Variants in SPAG9 observed in about 807,000 individuals in gnomAD.
SPAG9 encodes C-Jun-amino-terminal kinase-interacting protein 4.
In SPAG9, 35 loss-of-function variants were observed where a neutral mutation model predicts 166.5. The observed-to-expected ratio is 0.21, with a 90% CI of 0.16 to 0.28. The LOEUF (loss-of-function observed/expected upper bound fraction) is 0.28. Ranked by LOEUF, SPAG9 falls within the 10% of genes least tolerant of loss-of-function variation. SPAG9 has a pLI of 1.00. For missense variants in SPAG9, 1,235 were observed against 1,603.3 expected (o/e 0.77, Z 3.92); for synonymous variants, 534 against 565.5 (o/e 0.94, Z 0.79).
intron 22 of SPAG9, among the ~76,000 whole-genome samples, chr17:50,986,612 T>C (rs1379672323): frequency 2.0e-5 from 3 of 152,210 alleles, no homozygotes; most frequent in Non-Finnish European, 4.4e-5. Context: ...TGTAAAACTC[T>C]CCACACAACC....
At chr17:51,037,685 A>ATATATAGTGTGTGT in intron 5 of SPAG9, among the ~76,000 whole-genome samples, 10 of 83,492 alleles carry the variant, frequency 1.2e-4, no homozygotes, top group African/African-American at 3.5e-4. Context: ...ATATATATAT[A>ATATATAGTGTGTGT]GTGTGTGTGT....
chr17:51,089,258 T>C (rs892575984), intron 1 of SPAG9, among the ~76,000 whole-genome samples: 2 of 151,444 alleles, frequency 1.3e-5, no homozygotes, highest in African/African-American at 4.9e-5. Context: ...GCCCTGTCTC[T>C]ACTAAAAATA....
intron 8 of SPAG9, 31 bp downstream of exon 8, chr17:51,020,128 A>G (rs367885022): frequency 5.1e-6 from 7 of 1,380,958 alleles, no homozygotes; most frequent in Non-Finnish European, 5.2e-6. Context: ...TGGGGGGCGC[A>G]GAATATGTCT....
chr17:51,023,368 A>T, intron 6 of SPAG9: 1 of 242,506 alleles, frequency 4.1e-6, no homozygotes. Context: ...GAGTATCAGC[A>T]GGAATTATTG....
chr17:51,004,368 G>C (rs1258733037), intron 12 of SPAG9, among the ~76,000 whole-genome samples: 1 of 152,088 alleles, frequency 6.6e-6, no homozygotes, highest in Non-Finnish European at 1.5e-5. Context: ...AGACTGAAGG[G>C]GCACCAAGTG....
intron 20 of SPAG9, 127 bp downstream of exon 20, chr17:50,990,323 C>T (rs1463636420): frequency 2.7e-5 from 21 of 776,862 alleles, no homozygotes; most frequent in South Asian, 1.0e-4. Flanking sequence ...CCACCACGCC[C>T]GGCCTACAGT....
At chr17:51,053,154 CGTTG>C (rs1232141856) in intron 3 of SPAG9, among the ~76,000 whole-genome samples, 23 of 151,262 alleles carry the variant, frequency 1.5e-4, no homozygotes, top group Admixed American at 1.2e-3. Flanking sequence ...AAAACAAAAA[CGTTG>C]TTTATTATTT....
chr17:51,091,507 G>T (rs571141599), intron 1 of SPAG9, among the ~76,000 whole-genome samples: 2 of 151,732 alleles, frequency 1.3e-5, no homozygotes, highest in Admixed American at 1.3e-4. Flanking sequence ...TGTTGTTGTT[G>T]TTGTTTGCAT....
At chr17:51,062,038 T>C (rs888216595) in intron 2 of SPAG9, among the ~76,000 whole-genome samples, 1 of 152,196 alleles carries the variant, frequency 6.6e-6, no homozygotes, top group Admixed American at 6.5e-5. Context: ...ATAGCAACCA[T>C]TTATCACAGA....
At chr17:50,971,860 G>A (rs1435263191) in intron 28 of SPAG9, among the ~76,000 whole-genome samples, 2 of 151,994 alleles carry the variant, frequency 1.3e-5, no homozygotes, top group Non-Finnish European at 2.9e-5. Context: ...CTTCGCCTCT[G>A]GGGTTCAAAC....
At chr17:50,976,614 G>A (rs372756504) in intron 27 of SPAG9, 2 of 153,094 alleles carry the variant, frequency 1.3e-5, no homozygotes, top group African/African-American at 4.8e-5. Flanking sequence ...AGAAACACAC[G>A]AGGTATATTT....
intron 8 of SPAG9, among the ~76,000 whole-genome samples, chr17:51,017,866 T>G (rs2045768889): frequency 1.3e-5 from 2 of 152,136 alleles, no homozygotes; most frequent in Non-Finnish European, 2.9e-5. Context: ...AAGACAGGAT[T>G]TGAACCCATG....
Position 51,028,567 on chromosome 17 carries a change from G to A in SPAG9, c.783+3114C>T, listed in dbSNP as rs529095325. ...ACAGGTTGCAGCCTAAGAGCAACAG[G>A]CCATACCATATAGTTCAGGTGTGTA... is the stretch of plus-strand genomic sequence containing the variant. On this transcript the variant is annotated intron_variant, in intron 6 of 29. Coordinates refer to ENST00000262013, the MANE Select transcript of SPAG9 (RefSeq NM_001130528.3). Among the ~76,000 whole-genome samples, 8 of 152,292 alleles carry A rather than the reference G, an allele frequency of 5.3e-5. No homozygotes were observed. In the South Asian group the frequency reaches 1.4e-3, roughly 28 times the overall value.
chr17:51,019,578 C>A lies in SPAG9; in HGVS notation c.1091+581G>T, dbSNP rs181677790. On this transcript the variant is annotated intron_variant, in intron 8 of 29. Coordinates refer to ENST00000262013, the MANE Select transcript of SPAG9 (RefSeq NM_001130528.3). ...TCTCAAAAAAATAAACAAGGCTGGG[C>A]GCAGTGGCTCACGACTGTAATCCCA... Among the ~76,000 whole-genome samples the A allele has an allele frequency of 6.8e-5, 10 of 147,094 alleles. No homozygotes were observed. The East Asian group carries it at 1.7e-3, about 25-fold the overall frequency.
chr17:51,033,574 G>A (rs750816468), intron 5 of SPAG9, among the ~76,000 whole-genome samples: 19 of 152,146 alleles, frequency 1.2e-4, no homozygotes, highest in Non-Finnish European at 2.2e-4. Context: ...CTGAAGTGCC[G>A]TGGCTATTCA....
In SPAG9 at chr17:51,021,099, C is replaced by A. The variant is rs570912196; in HGVS notation, c.991+59G>T. 154 of 1,408,608 alleles carry A rather than the reference C, an allele frequency of 1.1e-4. 1 individual carries two copies. The East Asian group carries it at 3.3e-3, about 30-fold the overall frequency. The allele number at this position is 1,408,608 out of a possible 1,614,324, so 87.3% of individuals were successfully genotyped here. On this transcript the variant is annotated intron_variant, in intron 7 of 29. Transcript: ENST00000262013. ...CCCACAAAGACATATTTTCTCATAC[C>A]CACATTATCCAGGTTTACTGAATAC...
intron 5 of SPAG9, among the ~76,000 whole-genome samples, chr17:51,032,883 G>A (rs138434148): frequency 0.017 from 2,627 of 152,030 alleles, 73 homozygotes; most frequent in Admixed American, 0.066. Flanking sequence ...GCAGTGAGCC[G>A]AGATCACGCC....
intron 3 of SPAG9, 46 bp from the exon 4 acceptor site, chr17:51,047,515 T>A (rs767738238): frequency 9.1e-6 from 8 of 878,534 alleles, no homozygotes; most frequent in Non-Finnish European, 5.3e-6. Flanking sequence ...GGCTAATACC[T>A]GGAATAAAAT....
intron 22 of SPAG9, among the ~76,000 whole-genome samples, 182 bp downstream of exon 22, chr17:50,986,930 T>C (rs1349834584): frequency 6.6e-6 from 1 of 152,234 alleles, no homozygotes; most frequent in Non-Finnish European, 1.5e-5. Context: ...GGCTTACTAT[T>C]CAGAACCAGT....
Sources: gnomAD v4.1 joint callset for allele counts (sites outside exome capture counted in the v4.1 genomes callset) on GRCh38, gnomAD v4.1.1 for gene constraint, MANE v1.5 for transcripts, NCBI Gene and HGNC (gene_info 2026-07-23, HGNC 2026-07-21) for gene names.